KCNQ1: variants seen among roughly 807,000 people sequenced by gnomAD.
The protein encoded by KCNQ1 is potassium voltage-gated channel subfamily Q member 1, also known as potassium voltage-gated channel subfamily KQT member 1.
KCNQ1 carries 49 observed loss-of-function variants against 72.4 expected under a neutral mutation model. The ratio of observed to expected loss-of-function variants is 0.68; its 90% CI spans 0.54 to 0.86. KCNQ1 has a LOEUF of 0.86. Ranked by LOEUF, KCNQ1 falls within the 40% of genes least tolerant of loss-of-function variation. KCNQ1 has a pLI of 0.00. For missense variants in KCNQ1, 790 were observed against 945.1 expected, an observed-to-expected ratio of 0.84 and a Z score of 2.15; for synonymous variants, 450 against 412.6, an observed-to-expected ratio of 1.09 and a Z score of -1.10.
In KCNQ1 at chr11:2,611,218, T is replaced by C. The variant is rs187011474; in HGVS notation, c.1393+22364T>C. ...TTAAAGTCTATTTTGTCTGATTTTA[T>C]TTATTTTTATTTTATTTTTGGGATG... On this transcript the variant is annotated intron_variant, in intron 10 of 15. Transcript: ENST00000155840. This position sits in a 1 kb window ranked among gnomAD's most constrained non-coding sequence, Gnocchi z 5.3. 10 of 398,462 alleles carry C rather than the reference T, an allele frequency of 2.5e-5. No individual in the cohort carries two copies. The highest frequency in any genetic ancestry group is 2.1e-4 in the African/African-American group (10 of 48,720). The allele number at this position is 398,462 out of a possible 1,614,324, so 24.7% of individuals were successfully genotyped here.
At chr11:2,811,131 G>A (rs1158345473) in intron 15 of KCNQ1, among the ~76,000 whole-genome samples, 7 of 152,160 alleles carry the variant, frequency 4.6e-5, no homozygotes, top group Admixed American at 3.9e-4. Flanking sequence ...GTGCACCTCC[G>A]CAGTGCCGTG....
At chr11:2,571,532 G>A in intron 4 of KCNQ1, 129 bp downstream of exon 4, 1 of 773,124 alleles carries the variant, frequency 1.3e-6, no homozygotes, top group Non-Finnish European at 2.2e-6. Flanking sequence ...CTGCCCCCGG[G>A]GGCACTGAGC....
intron 15 of KCNQ1, among the ~76,000 whole-genome samples, chr11:2,838,467 G>A (rs963629404): frequency 5.3e-5 from 8 of 151,958 alleles, no homozygotes; most frequent in Middle Eastern, 3.2e-3. Flanking sequence ...TGACTGACAG[G>A]GGTCTGACTT....
At chr11:2,660,119 A>G in intron 10 of KCNQ1, 1 of 398,426 alleles carries the variant, frequency 2.5e-6, no homozygotes. Flanking sequence ...TCACTGCCAA[A>G]TCCAAGGTCC....
At chr11:2,796,501 C>CA (rs1847134809) in intron 15 of KCNQ1, among the ~76,000 whole-genome samples, 1 of 152,222 alleles carries the variant, frequency 6.6e-6, no homozygotes. Context: ...ACTGCCGACC[C>CA]AGGCCTATCA....
In KCNQ1 at chr11:2,762,981, T is replaced by C. The variant is rs920030304; in HGVS notation, c.1515-5863T>C. ...CCTAGGAGTGTCAGACCTCTGACTTTGTTGTTCTTCAAGATCGTCTTGGCT... is the reference window on the plus strand; with the variant it reads ...CCTAGGAGTGTCAGACCTCTGACTTCGTTGTTCTTCAAGATCGTCTTGGCT... On this transcript the variant is annotated intron_variant, in intron 11 of 15. Coordinates refer to ENST00000155840, the MANE Select transcript of KCNQ1 (RefSeq NM_000218.3). The surrounding 1 kb of genome is among the most constrained non-coding windows in gnomAD (Gnocchi z 4.3). Among the ~76,000 whole-genome samples, 3 of 152,222 alleles carry C rather than the reference T, an allele frequency of 2.0e-5. No individual in the cohort carries two copies. The highest frequency in any genetic ancestry group is 7.2e-5 in the African/African-American group (3 of 41,462).
chr11:2,676,727 A>G lies in KCNQ1; in HGVS notation c.1514+14646A>G, dbSNP rs1209210968. On this transcript the variant is annotated intron_variant, in intron 11 of 15. Coordinates refer to ENST00000155840, the MANE Select transcript of KCNQ1 (RefSeq NM_000218.3). This position sits in a 1 kb window ranked among gnomAD's most constrained non-coding sequence, Gnocchi z 4.2. ...CAGGAGATAACCAAGTCATATGCAT[A>G]GTGGCTTTGGGTACGATGGTCTGCT... 2.5e-6 allele frequency: 1 copy of G among 398,534 alleles called. No homozygotes were observed. Among genetic ancestry groups the G allele is most frequent in the Non-Finnish European group, 4.4e-6 (1 of 226,094 alleles). 24.7% of individuals were successfully genotyped at this position (398,534 alleles called of 1,614,324 possible).
At position 2,661,539 on chromosome 11, in the gene KCNQ1, C is replaced by T; in HGVS notation, c.1394-422C>T. 2.0e-6 allele frequency: 1 copy of T among 501,524 alleles called. No individual in the cohort carries two copies. Among genetic ancestry groups the T allele is most frequent in the Non-Finnish European group, 3.5e-6 (1 of 285,014 alleles). The allele number at this position is 501,524 out of a possible 1,614,324, so 31.1% of individuals were successfully genotyped here. A position where few individuals can be genotyped will look rare whatever the true frequency, so the allele number is the denominator to read the frequency against. ...CTATCACCCCATCTTTCCTGACCCA[C>T]TACTCTGTCAATGTATGAGTGTGAC... is the stretch of plus-strand genomic sequence containing the variant. On this transcript the variant is annotated intron_variant, in intron 10 of 15. Transcript: ENST00000155840. The surrounding 1 kb of genome is among the most constrained non-coding windows in gnomAD (Gnocchi z 5.9).
chr11:2,693,955 T>G, intron 11 of KCNQ1: 1 of 398,716 alleles, frequency 2.5e-6, no homozygotes, highest in Non-Finnish European at 4.4e-6. Flanking sequence ...CATTCATCAG[T>G]CTGCACTAAC....
At chr11:2,628,176 A>T in intron 10 of KCNQ1, 1 of 398,656 alleles carries the variant, frequency 2.5e-6, no homozygotes, top group Non-Finnish European at 4.4e-6. Context: ...TGGATCATAT[A>T]GCAGTTCCAA....
chr11:2,607,634 T>C (rs1233661172), intron 10 of KCNQ1, among the ~76,000 whole-genome samples: 2 of 152,132 alleles, frequency 1.3e-5, no homozygotes, highest in African/African-American at 4.8e-5. Flanking sequence ...GCCTGTAAAA[T>C]TGCAAAAAAT....
chr11:2,658,912 G>A lies in KCNQ1; in HGVS notation c.1394-3049G>A, dbSNP rs1015848845. 19 of 398,236 alleles carry A rather than the reference G, an allele frequency of 4.8e-5. No individual in the cohort carries two copies. Among genetic ancestry groups the A allele is most frequent in the African/African-American group, 3.7e-4 (18 of 48,526 alleles). 24.7% of individuals were successfully genotyped at this position (398,236 alleles called of 1,614,324 possible). ...CTATTGTACACGTAGTACCCTATGTGAAGCAAATTTACCTACTAGATTAGA... is the reference window on the plus strand; with the variant it reads ...CTATTGTACACGTAGTACCCTATGTAAAGCAAATTTACCTACTAGATTAGA... On this transcript the variant is annotated intron_variant, in intron 10 of 15. Transcript: ENST00000155840. The surrounding 1 kb of genome is among the most constrained non-coding windows in gnomAD (Gnocchi z 4.9).
At chr11:2,455,242 CGT>C (rs1564785481) in intron 1 of KCNQ1, among the ~76,000 whole-genome samples, 5 of 152,100 alleles carry the variant, frequency 3.3e-5, no homozygotes, top group African/African-American at 1.2e-4. Flanking sequence ...GGACAACAGG[CGT>C]CTGCCACCAC....
At position 2,579,179 on chromosome 11, in the gene KCNQ1, C is replaced by T. The variant is rs1470148793; in HGVS notation, c.922-4256C>T. Among the ~76,000 whole-genome samples the T allele has an allele frequency of 6.6e-6, 1 of 152,130 alleles. No homozygotes were observed. The highest frequency in any genetic ancestry group is 1.5e-5 in the Non-Finnish European group (1 of 68,010). On this transcript the variant is annotated intron_variant, in intron 6 of 15. Transcript: ENST00000155840. This position sits in a 1 kb window ranked among gnomAD's most constrained non-coding sequence, Gnocchi z 6.0. ...TCAGGTTTCTGGGCTGGCCTCTGTC[C>T]TCCCCTCGAGGCCAGCCTTGAGGAG...
Position 2,547,390 on chromosome 11 carries a change from C to G in KCNQ1, c.477+19372C>G, listed in dbSNP as rs912027841. Among the ~76,000 whole-genome samples, 21 of 152,062 alleles carry G rather than the reference C, an allele frequency of 1.4e-4. No homozygotes were observed. Among genetic ancestry groups the G allele is most frequent in the African/African-American group, 5.1e-4 (21 of 41,384 alleles). Reference sequence around the variant, plus strand: ...GGATTATAGGTGGGCGCCACCACACCTGGCTAATTTTTTTTGTATTATTAG... The same window carrying G: ...GGATTATAGGTGGGCGCCACCACACGTGGCTAATTTTTTTTGTATTATTAG... On this transcript the variant is annotated intron_variant, in intron 2 of 15. Transcript: ENST00000155840. This position sits in a 1 kb window ranked among gnomAD's most constrained non-coding sequence, Gnocchi z 4.2.
chr11:2,650,139 G>A (rs1262763781), intron 10 of KCNQ1: 2 of 397,988 alleles, frequency 5.0e-6, no homozygotes, highest in Admixed American at 8.8e-5. Context: ...TTTTTGTTTG[G>A]TTCTTTTTCA....
intron 5 of KCNQ1, 128 bp downstream of exon 5, chr11:2,572,237 G>GT: frequency 1.5e-6 from 1 of 676,214 alleles, no homozygotes; most frequent in Non-Finnish European, 2.6e-6. Context: ...GGGCGCAGGG[G>GT]TACCTGAACG....
In KCNQ1 at chr11:2,661,587, T is replaced by A. The variant is rs1849957276; in HGVS notation, c.1394-374T>A. ...GACAATGTATGGTGGTGGGAGCTGT[T>A]GTCCCTTACCAGGCCTGTGCCTGTC... On this transcript the variant is annotated intron_variant, in intron 10 of 15. Coordinates refer to ENST00000155840, the MANE Select transcript of KCNQ1 (RefSeq NM_000218.3). The surrounding 1 kb of genome is among the most constrained non-coding windows in gnomAD (Gnocchi z 5.9). The A allele has an allele frequency of 7.1e-6, 4 of 563,438 alleles. No homozygotes were observed. The highest frequency in any genetic ancestry group is 1.3e-5 in the Non-Finnish European group (4 of 317,124). The allele number at this position is 563,438 out of a possible 1,614,324, so 34.9% of individuals were successfully genotyped here. A position where few individuals can be genotyped will look rare whatever the true frequency, so the allele number is the denominator to read the frequency against.
At chr11:2,610,530 T>C in intron 10 of KCNQ1, 1 of 398,492 alleles carries the variant, frequency 2.5e-6, no homozygotes, top group East Asian at 3.6e-5. Context: ...ATTTACCTCC[T>C]TGCTCTTTGC....
Sources: allele counts gnomAD v4.1 joint callset (sites outside exome capture counted in the v4.1 genomes callset), GRCh38; gene constraint gnomAD v4.1.1; non-coding constraint Gnocchi (gnomAD v3.1); transcripts MANE v1.5; gene names NCBI Gene and HGNC (gene_info 2026-07-23, HGNC 2026-07-21).